Variants in TBPL2 observed in about 807,000 individuals in gnomAD.
TBPL2 encodes TATA-box binding protein like 2.
A neutral mutation model predicts 38.2 loss-of-function variants in TBPL2; 40 were observed. That is an observed-to-expected ratio of 1.05 (90% CI 0.81 to 1.36). The LOEUF is 1.36. Among genes scored for constraint, TBPL2 ranks in the 40% most tolerant of loss-of-function variants. The pLI is 0.00. For missense variants in TBPL2, 461 were observed against 456.7 expected (o/e 1.01, Z -0.09); for synonymous variants, 169 against 171.7 (o/e 0.98, Z 0.12).
chr14:55,425,196 A>G (rs1885802370), intron 5 of TBPL2, among the ~76,000 whole-genome samples: 1 of 152,180 alleles, frequency 6.6e-6, no homozygotes, highest in Admixed American at 6.5e-5. Flanking sequence ...ATAGGAGGTC[A>G]TTGTGGGTGG....
chr14:55,428,831 A>G lies in TBPL2; in HGVS notation c.932T>C (p.Val311Ala), dbSNP rs755865395. ...CCTACTGAACTGCTGATGGGTTAGC[A>G]CCAAACCTTCCAGCCTGATGGGAAA... Residue 311 changes from valine to alanine, a missense_variant, in exon 5 of 7, where the codon GTG becomes GCG. Val to Ala is a moderately conservative substitution (Grantham distance 64). Transcript: ENST00000247219. 13 of 1,614,118 alleles carry G rather than the reference A, an allele frequency of 8.1e-6. No homozygotes were observed. The South Asian group carries it at 1.4e-4, about 18-fold the overall frequency.
At chr14:55,436,069 C>T in intron 2 of TBPL2, 135 bp from the exon 3 acceptor site, 1 of 525,076 alleles carries the variant, frequency 1.9e-6, no homozygotes. Flanking sequence ...ATGTGAAATA[C>T]ATGACATGAT....
At chr14:55,424,476 A>G (rs957476955) in intron 5 of TBPL2, among the ~76,000 whole-genome samples, 1 of 152,198 alleles carries the variant, frequency 6.6e-6, no homozygotes, top group Non-Finnish European at 1.5e-5. Context: ...CACAAGTGCA[A>G]GCTATCCTGG....
intron 4 of TBPL2, among the ~76,000 whole-genome samples, chr14:55,433,309 C>CT (rs71131269): frequency 0.031 from 3,766 of 119,818 alleles, 77 homozygotes; most frequent in Non-Finnish European, 0.043. Context: ...TTAGATTTCT[C>CT]TTTTTTTTTT....
exon 1 of TBPL2, chr14:55,440,612 A>G (rs1886097542): frequency 1.3e-6 from 2 of 1,483,532 alleles, no homozygotes; most frequent in Non-Finnish European, 1.8e-6. Flanking sequence ...GCGCGAGAGA[A>G]GCGTTGGGCG....
intron 4 of TBPL2, among the ~76,000 whole-genome samples, chr14:55,432,313 C>T (rs983132956): frequency 4.0e-5 from 6 of 150,664 alleles, no homozygotes; most frequent in South Asian, 4.2e-4. Flanking sequence ...CTTAAGAGGC[C>T]GAGCTGGAAG....
At chr14:55,419,978 C>A (rs1434387801) in intron 6 of TBPL2, among the ~76,000 whole-genome samples, 1 of 152,174 alleles carries the variant, frequency 6.6e-6, no homozygotes, top group African/African-American at 2.4e-5. Flanking sequence ...CATGAGCTTC[C>A]CCAAGCTTCA....
chr14:55,423,903 G>C (rs897490216), intron 6 of TBPL2, among the ~76,000 whole-genome samples: 2 of 152,128 alleles, frequency 1.3e-5, no homozygotes, highest in African/African-American at 4.8e-5. Flanking sequence ...AGCCATATAT[G>C]TTATCATGGA....
intron 6 of TBPL2, 101 bp from the exon 7 acceptor site, chr14:55,414,556 G>T: frequency 1.2e-6 from 1 of 856,874 alleles, no homozygotes; most frequent in Non-Finnish European, 1.7e-6. Context: ...CTTTTAATAT[G>T]ACATCTCTTT....
chr14:55,423,177 G>A (rs903321233), intron 6 of TBPL2, among the ~76,000 whole-genome samples: 2 of 152,116 alleles, frequency 1.3e-5, no homozygotes, highest in African/African-American at 2.4e-5. Context: ...TCTGATTACC[G>A]GTGGGGTTAA....
At chr14:55,434,531 C>T (rs1247782132) in intron 3 of TBPL2, among the ~76,000 whole-genome samples, 1 of 152,184 alleles carries the variant, frequency 6.6e-6, no homozygotes, top group Non-Finnish European at 1.5e-5. Flanking sequence ...AGATCCTATA[C>T]ACTCATCCCC....
chr14:55,438,909 A>G (rs1886058575), intron 1 of TBPL2: 1 of 146,974 alleles, frequency 6.8e-6, no homozygotes, highest in South Asian at 2.1e-4. Flanking sequence ...CTCCCACCAA[A>G]AAAAAAAAAA....
At chr14:55,416,603 A>G (rs920683545) in intron 6 of TBPL2, among the ~76,000 whole-genome samples, 6 of 152,178 alleles carry the variant, frequency 3.9e-5, no homozygotes, top group Non-Finnish European at 2.9e-5. Flanking sequence ...AAAAGCCACA[A>G]GTTTCAGCAG....
chr14:55,429,404 T>G (rs1229377931), intron 4 of TBPL2, among the ~76,000 whole-genome samples: 1 of 152,206 alleles, frequency 6.6e-6, no homozygotes, highest in Non-Finnish European at 1.5e-5. Flanking sequence ...ACAAGCCCTC[T>G]AGGTAACTGT....
intron 3 of TBPL2, 104 bp downstream of exon 3, chr14:55,435,743 A>T: frequency 2.3e-6 from 2 of 879,394 alleles, no homozygotes; most frequent in South Asian, 1.8e-5. Flanking sequence ...TTCAGTAACA[A>T]TTTTTTAAGA....
chr14:55,422,059 A>G (rs1241036187), intron 6 of TBPL2, among the ~76,000 whole-genome samples: 3 of 152,212 alleles, frequency 2.0e-5, no homozygotes, highest in African/African-American at 7.2e-5. Context: ...TAAAGCTACA[A>G]TAAGATAAAG....
At chr14:55,417,795 G>T (rs1177922395) in intron 6 of TBPL2, among the ~76,000 whole-genome samples, 3 of 152,152 alleles carry the variant, frequency 2.0e-5, no homozygotes, top group African/African-American at 7.2e-5. Context: ...AATTTCTGGG[G>T]AATAAATACC....
At chr14:55,427,612 C>A (rs1434107132) in intron 5 of TBPL2, among the ~76,000 whole-genome samples, 2 of 152,072 alleles carry the variant, frequency 1.3e-5, no homozygotes, top group Non-Finnish European at 2.9e-5. Flanking sequence ...AGTGCCCTAG[C>A]CCAGGTGTAT....
chr14:55,419,695 G>T (rs1250278339), intron 6 of TBPL2, among the ~76,000 whole-genome samples: 1 of 152,154 alleles, frequency 6.6e-6, no homozygotes, highest in Non-Finnish European at 1.5e-5. Flanking sequence ...AGGGGAGTAA[G>T]ACCATTTTAT....
Sources: allele counts gnomAD v4.1 joint callset (sites outside exome capture counted in the v4.1 genomes callset), GRCh38; gene constraint gnomAD v4.1.1; transcripts MANE v1.5; gene names NCBI Gene and HGNC (gene_info 2026-07-23, HGNC 2026-07-21).